The following LOC400499 variants were observed in gnomAD, a reference collection of about 807,000 sequenced individuals.
At chr16:11,456,591 C>T in the LOC400499 span, among the ~76,000 whole-genome samples, 4 of 152,204 alleles carry the variant, frequency 2.6e-5, no homozygotes, top group East Asian at 1.9e-4. Flanking sequence ...ATAAGGTTTT[C>T]GTTTGTTTGT....
chr16:11,404,991 G>A, the LOC400499 span: 1 of 396,922 alleles, frequency 2.5e-6, no homozygotes, highest in Non-Finnish European at 4.4e-6. Context: ...TTCCTGAATG[G>A]TGACATATGT....
chr16:11,446,946 A>C, the LOC400499 span: 2 of 1,514,902 alleles, frequency 1.3e-6, no homozygotes, highest in Non-Finnish European at 1.8e-6. Flanking sequence ...CAAAGCCATT[A>C]AAGCAGCTGG....
the LOC400499 span, chr16:11,396,633 G>A: frequency 3.2e-6 from 4 of 1,232,160 alleles, no homozygotes; most frequent in Non-Finnish European, 4.0e-6. Context: ...CGCAGCAGGA[G>A]TCCACCCTGG....
At chr16:11,384,208 C>T in the LOC400499 span, 1 of 1,226,998 alleles carries the variant, frequency 8.1e-7, no homozygotes, top group Non-Finnish European at 1.0e-6. Flanking sequence ...GCAGGTGCAC[C>T]CGCTCACCTG....
chr16:11,374,533 T>G, the LOC400499 span, among the ~76,000 whole-genome samples: 3 of 152,226 alleles, frequency 2.0e-5, no homozygotes, highest in Non-Finnish European at 2.9e-5. Flanking sequence ...TTTCTGTCTC[T>G]ATGAAACTTA....
chr16:11,520,581 C>T, the LOC400499 span, among the ~76,000 whole-genome samples: 3 of 147,890 alleles, frequency 2.0e-5, no homozygotes, highest in Admixed American at 6.9e-5. Context: ...GCAGGAGAAT[C>T]GCTTGAACTG....
chr16:11,390,312 C>T, the LOC400499 span: 31 of 1,232,998 alleles, frequency 2.5e-5, no homozygotes, highest in African/African-American at 7.8e-5. Flanking sequence ...CCCCCAGGGC[C>T]GCCCTGATGG....
chr16:11,430,934 G>T, the LOC400499 span: 1 of 397,954 alleles, frequency 2.5e-6, no homozygotes, highest in Non-Finnish European at 4.4e-6. Flanking sequence ...AGTGTGAGAT[G>T]CTGGAGTTGG....
the LOC400499 span, chr16:11,462,298 C>G: frequency 6.7e-7 from 1 of 1,488,110 alleles, no homozygotes; most frequent in Non-Finnish European, 8.9e-7. Flanking sequence ...GCAGGTCACT[C>G]CAGCCCTGAA....
At chr16:11,402,957 G>C in the LOC400499 span, among the ~76,000 whole-genome samples, 1 of 152,096 alleles carries the variant, frequency 6.6e-6, no homozygotes, top group Non-Finnish European at 1.5e-5. Flanking sequence ...GCTGTCCTGT[G>C]CTCTCCTTCC....
chr16:11,492,246 ACAGCCAGCCAGCCAGC>A, the LOC400499 span, among the ~76,000 whole-genome samples: 1 of 150,864 alleles, frequency 6.6e-6, no homozygotes, highest in South Asian at 2.1e-4. Context: ...GGCTTCCTCC[ACAGCCAGCCAGCCAGC>A]CAGCCACCCA....
chr16:11,400,572 T>C, the LOC400499 span, among the ~76,000 whole-genome samples: 3 of 151,992 alleles, frequency 2.0e-5, no homozygotes, highest in Admixed American at 6.6e-5. Flanking sequence ...TCCCAAGCAG[T>C]TGGGATTGCA....
chr16:11,440,716 C>A, the LOC400499 span: 2 of 399,070 alleles, frequency 5.0e-6, no homozygotes, highest in South Asian at 2.6e-4. Flanking sequence ...AGAACTCAGT[C>A]TCCTGACCTG....
At chr16:11,514,322 C>T in the LOC400499 span, 14 of 399,012 alleles carry the variant, frequency 3.5e-5, no homozygotes, top group Non-Finnish European at 4.4e-5. Context: ...CCTCATGCCA[C>T]GGCCAGGGGG....
At chr16:11,418,536 A>G in the LOC400499 span, among the ~76,000 whole-genome samples, 1 of 152,210 alleles carries the variant, frequency 6.6e-6, no homozygotes, top group Non-Finnish European at 1.5e-5. Flanking sequence ...TATATTGTCT[A>G]AAAAGGGGAG....
the LOC400499 span, among the ~76,000 whole-genome samples, chr16:11,418,495 C>A: frequency 6.6e-6 from 1 of 152,208 alleles, no homozygotes. Flanking sequence ...TGACAGTTTA[C>A]AGATGTCATG....
At chr16:11,441,081 G>T in the LOC400499 span, 2 of 398,928 alleles carry the variant, frequency 5.0e-6, no homozygotes, top group African/African-American at 2.1e-5. Context: ...CTTAGCCTGG[G>T]TGTGTGAGAA....
the LOC400499 span, among the ~76,000 whole-genome samples, chr16:11,509,963 G>C: frequency 1.4e-5 from 2 of 146,624 alleles, no homozygotes; most frequent in Middle Eastern, 3.6e-3. Flanking sequence ...TGGAGAGGGG[G>C]GACTCATTTT....
At chr16:11,442,017 C>T in the LOC400499 span, among the ~76,000 whole-genome samples, 1 of 152,162 alleles carries the variant, frequency 6.6e-6, no homozygotes, top group Non-Finnish European at 1.5e-5. Context: ...GCTTCTGCCA[C>T]AGGCCAAGTA....
Sources: gnomAD v4.1 joint callset for allele counts (sites outside exome capture counted in the v4.1 genomes callset) on GRCh38, gnomAD v4.1.1 for gene constraint, MANE v1.5 for transcripts.